The following SDK2 variants were observed in gnomAD, a reference collection of about 807,000 sequenced individuals.
The protein encoded by SDK2 is sidekick cell adhesion molecule 2, also known as protein sidekick-2.
Under a neutral mutation model 253.9 loss-of-function variants are expected in SDK2, and 105 were observed. The observed-to-expected ratio is 0.41, with a 90% CI of 0.35 to 0.49. The LOEUF (loss-of-function observed/expected upper bound fraction) is 0.49. SDK2 is among the 20% of genes least tolerant of loss of function. The pLI is 0.06. For missense variants in SDK2, 2,608 were observed against 3,003.0 expected (o/e 0.87, Z 3.07); for synonymous variants, 1,249 against 1,234.9 (o/e 1.01, Z -0.24).
chr17:73,463,307 T>A (rs2063576371), intron 3 of SDK2, among the ~76,000 whole-genome samples: 1 of 152,216 alleles, frequency 6.6e-6, no homozygotes. Context: ...CTTTGTCATA[T>A]CTTAAAAGGC....
chr17:73,526,349 C>A (rs2064125412), intron 1 of SDK2, among the ~76,000 whole-genome samples: 1 of 152,118 alleles, frequency 6.6e-6, no homozygotes, highest in Non-Finnish European at 1.5e-5. Context: ...CCTGGCTTTG[C>A]CAATTAGGAC....
chr17:73,509,735 GA>G (rs1160614273), intron 1 of SDK2, among the ~76,000 whole-genome samples: 2 of 149,900 alleles, frequency 1.3e-5, no homozygotes, highest in Non-Finnish European at 3.0e-5. Context: ...CCATCTCTAC[GA>G]AAATACAAAA....
At chr17:73,344,045 C>T (rs1228729361) in intron 44 of SDK2, among the ~76,000 whole-genome samples, 1 of 152,122 alleles carries the variant, frequency 6.6e-6, no homozygotes, top group Non-Finnish European at 1.5e-5. Context: ...CCCGGGGGGC[C>T]AGCCAGGGTC....
chr17:73,437,619 A>G, intron 8 of SDK2, 120 bp downstream of exon 8: 1 of 873,822 alleles, frequency 1.1e-6, no homozygotes, highest in Non-Finnish European at 1.9e-6. Context: ...AGCCAGACAG[A>G]CTCTCTGCCT....
chr17:73,547,110 A>G (rs1368989527), intron 1 of SDK2, among the ~76,000 whole-genome samples: 1 of 152,218 alleles, frequency 6.6e-6, no homozygotes, highest in African/African-American at 2.4e-5. Flanking sequence ...GTCTGGCTTT[A>G]GCCAAGTCTC....
At chr17:73,605,242 G>A (rs1159368322) in intron 1 of SDK2, among the ~76,000 whole-genome samples, 10 of 152,150 alleles carry the variant, frequency 6.6e-5, no homozygotes, top group African/African-American at 2.4e-4. Flanking sequence ...GAAGAGGCCG[G>A]AGCAGTCAAG....
At chr17:73,615,157 T>A (rs1377015960) in intron 1 of SDK2, among the ~76,000 whole-genome samples, 1 of 152,212 alleles carries the variant, frequency 6.6e-6, no homozygotes, top group Non-Finnish European at 1.5e-5. Flanking sequence ...AATGAGTACA[T>A]ACTTGATGTT....
At chr17:73,503,480 T>A (rs927758118) in intron 2 of SDK2, among the ~76,000 whole-genome samples, 1 of 152,156 alleles carries the variant, frequency 6.6e-6, no homozygotes, top group Non-Finnish European at 1.5e-5. Flanking sequence ...AGGGAGACAG[T>A]AAGAGAGCAC....
chr17:73,442,836 A>G (rs2063426137), intron 5 of SDK2, among the ~76,000 whole-genome samples: 1 of 150,740 alleles, frequency 6.6e-6, no homozygotes, highest in African/African-American at 2.4e-5. Flanking sequence ...AAAAAGAGAG[A>G]GAAACACTCC....
At position 73,507,553 on chromosome 17, in the gene SDK2, C is replaced by A. The variant is rs747655108; in HGVS notation, c.109G>T (p.Val37Leu). The change falls in exon 2 of 45, where the codon GTG (valine) becomes TTG (leucine). Residue 37 changes from valine to leucine, a missense_variant. Around this residue, in one of 2 missense-constraint regions of SDK2, gnomAD observed 1,505 missense variants for 1,859.1 expected, o/e 0.81. Transcript: ENST00000392650. Reference sequence around the variant, plus strand: ...ACCAGGCGGTTTCCTTCCAAGTGCACCTGTGTCCGCACAGGCTCTGTCTTG... The same window carrying A: ...ACCAGGCGGTTTCCTTCCAAGTGCAACTGTGTCCGCACAGGCTCTGTCTTG... Reference protein sequence around the residue: ...YFKTEPVRTQVHLEGNRLVLT... With the variant: ...YFKTEPVRTQLHLEGNRLVLT... 38 of 1,551,616 alleles carry A rather than the reference C, an allele frequency of 2.4e-5. No individual in the cohort carries two copies. The East Asian group carries it at 7.3e-4, about 30-fold the overall frequency.
At position 73,455,405 on chromosome 17, in the gene SDK2, T is replaced by C. The variant is rs2063518675; in HGVS notation, c.479+501A>G. ...CCTTGTGAACACTCAGAGGCCTGTG[T>C]GTTTCTCTGCCCAGGGCTTCCCTGG... On this transcript the variant is annotated intron_variant, in intron 4 of 44. Transcript: ENST00000392650. This position sits in a 1 kb window ranked among gnomAD's most constrained non-coding sequence, Gnocchi z 5.0. Among the ~76,000 whole-genome samples the C allele has an allele frequency of 6.6e-6, 1 of 152,044 alleles. No homozygotes were observed. The highest frequency in any genetic ancestry group is 6.5e-5 in the Admixed American group (1 of 15,272).
intron 40 of SDK2, among the ~76,000 whole-genome samples, chr17:73,355,176 T>TATATA (rs1568363071): frequency 0.017 from 97 of 5,778 alleles, 4 homozygotes; most frequent in African/African-American, 0.041. Flanking sequence ...ATATATATAT[T>TATATA]TTTTTTTTTT....
In SDK2 at chr17:73,639,319, G is replaced by T. The variant is rs1387137688; in HGVS notation, c.64+4706C>A. The stretch of plus-strand genomic sequence containing the variant: ...GGCACCAGGCCCAGGGAGTCTGAGG[G>T]GACAAGCCCTGCAGTCCCCTCTCTC... On this transcript the variant is annotated intron_variant, in intron 1 of 44. Coordinates refer to ENST00000392650, the MANE Select transcript of SDK2 (RefSeq NM_001144952.2). The surrounding 1 kb of genome is among the most constrained non-coding windows in gnomAD (Gnocchi z 4.3). Among the ~76,000 whole-genome samples the T allele has an allele frequency of 3.3e-5, 5 of 152,078 alleles. No individual in the cohort carries two copies. The highest frequency in any genetic ancestry group is 2.6e-4 in the Admixed American group (4 of 15,286).
rs188845193 is a variant in SDK2, at chr17:73,616,756, G to A, written c.64+27269C>T. 2.4e-3 allele frequency among the ~76,000 whole-genome samples: 372 copies of A among 152,320 alleles called. 3 individuals are homozygous for A. The highest frequency in any genetic ancestry group is 8.6e-3 in the African/African-American group (358 of 41,570). On this transcript the variant is annotated intron_variant, in intron 1 of 44. Coordinates refer to ENST00000392650, the MANE Select transcript of SDK2 (RefSeq NM_001144952.2). The surrounding 1 kb of genome is among the most constrained non-coding windows in gnomAD (Gnocchi z 5.2). ...CTTAGAGAGGTGCCTGAGAGGTGAG[G>A]GAGGTGCTCTCAGAGCTGCAGGCAC...
At position 73,394,328 on chromosome 17, in the gene SDK2, T is replaced by G. The variant is rs982804810; in HGVS notation, c.3593-4A>C. 1.0e-5 allele frequency: 16 copies of G among 1,562,950 alleles called. No homozygotes were observed. The highest frequency in any genetic ancestry group is 1.4e-5 in the Non-Finnish European group (16 of 1,149,836). On this transcript the variant is annotated splice_region_variant and splice_polypyrimidine_tract_variant and intron_variant, in intron 25 of 44. Transcript: ENST00000392650. ...TTGGTGGGGCCGGAAGAGGGAACTG[T>G]GGGGGAAAGGGAGTGGAGAGAAGGC... is the stretch of plus-strand genomic sequence containing the variant.
intron 2 of SDK2, among the ~76,000 whole-genome samples, chr17:73,483,505 G>A (rs1191129957): frequency 4.0e-5 from 4 of 99,734 alleles, no homozygotes; most frequent in Non-Finnish European, 7.8e-5. Flanking sequence ...GTGTGTGTGT[G>A]TGTGTATGTG....
At chr17:73,492,318 C>A (rs1191981755) in intron 2 of SDK2, among the ~76,000 whole-genome samples, 1 of 152,146 alleles carries the variant, frequency 6.6e-6, no homozygotes, top group Non-Finnish European at 1.5e-5. Flanking sequence ...CCGGCCGGCA[C>A]GCTCCTGCAG....
chr17:73,575,883 T>G (rs1346644876), intron 1 of SDK2, among the ~76,000 whole-genome samples: 1 of 152,148 alleles, frequency 6.6e-6, no homozygotes, highest in African/African-American at 2.4e-5. Flanking sequence ...CTTGAGGGGC[T>G]CACAGTCTCA....
chr17:73,493,406 G>A (rs1431255544), intron 2 of SDK2, among the ~76,000 whole-genome samples: 1 of 152,188 alleles, frequency 6.6e-6, no homozygotes, highest in African/African-American at 2.4e-5. Context: ...GTGGCCAGCG[G>A]GGCCCCAGGG....
Sources: allele counts gnomAD v4.1 joint callset (sites outside exome capture counted in the v4.1 genomes callset), GRCh38; gene constraint gnomAD v4.1.1; regional missense constraint gnomAD v4.1.1; non-coding constraint Gnocchi (gnomAD v3.1); transcripts MANE v1.5; gene names NCBI Gene and HGNC (gene_info 2026-07-23, HGNC 2026-07-21).